Variants in CEP63 observed in about 807,000 individuals in gnomAD.
CEP63 encodes centrosomal protein of 63 kDa.
CEP63 carries 84 observed loss-of-function variants against 89.1 expected under a neutral mutation model. The ratio of observed to expected loss-of-function variants is 0.94; its 90% CI spans 0.79 to 1.13. CEP63 has a LOEUF of 1.13. Ranked by LOEUF, CEP63 falls within the 50% of genes most tolerant of loss-of-function variation. The pLI, the probability that CEP63 is intolerant of heterozygous loss-of-function variation, is 0.00. For missense variants in CEP63, 838 were observed against 813.3 expected (o/e 1.03, Z -0.37); for synonymous variants, 267 against 272.5 (o/e 0.98, Z 0.20).
At chr3:134,739,936 C>T in the CEP63 span, among the ~76,000 whole-genome samples, 68 of 152,192 alleles carry the variant, frequency 4.5e-4, no homozygotes, top group East Asian at 2.7e-3. Context: ...ATGAGGACAC[C>T]GGTGTACTTG....
the CEP63 span, among the ~76,000 whole-genome samples, chr3:134,663,726 A>C: frequency 1.2e-3 from 187 of 151,552 alleles, no homozygotes; most frequent in African/African-American, 4.1e-3. Flanking sequence ...GGAAGGAGGG[A>C]TATGGGGATG....
chr3:134,559,463 G>GT (rs768479137), intron 14 of CEP63, 34 bp downstream of exon 14: 1 of 1,580,024 alleles, frequency 6.3e-7, no homozygotes, highest in South Asian at 1.1e-5. Flanking sequence ...TAATTTGTTA[G>GT]TTTTTTAAGT....
At chr3:134,586,359 CCTT>C (rs1268639278) in intron 10 of CEP63, among the ~76,000 whole-genome samples, 4 of 150,818 alleles carry the variant, frequency 2.7e-5, no homozygotes, top group African/African-American at 9.7e-5. Context: ...TTTAGTGCTT[CCTT>C]CAGGAGCTCT....
the CEP63 span, among the ~76,000 whole-genome samples, chr3:134,765,952 G>C: frequency 6.6e-6 from 1 of 152,226 alleles, no homozygotes; most frequent in African/African-American, 2.4e-5. Context: ...AGTAAACACA[G>C]GGAGCGTTGT....
At chr3:134,537,092 T>C in intron 5 of CEP63, 63 bp from the exon 6 acceptor site, 1 of 990,158 alleles carries the variant, frequency 1.0e-6, no homozygotes, top group African/African-American at 1.6e-5. Flanking sequence ...TTAAAGGGAG[T>C]CTGGGAAGTA....
chr3:134,607,050 T>A, the CEP63 span: 1 of 985,268 alleles, frequency 1.0e-6, no homozygotes, highest in Non-Finnish European at 1.2e-6. Flanking sequence ...AATTAAGGAA[T>A]CTGGTGTTTA....
At chr3:134,532,653 T>G (rs974707677) in intron 4 of CEP63, 125 bp from the exon 5 acceptor site, 3 of 680,372 alleles carry the variant, frequency 4.4e-6, no homozygotes, top group East Asian at 5.2e-5. Flanking sequence ...TGTTTTAGTT[T>G]GGAAATCTAA....
chr3:134,646,387 C>G, the CEP63 span, among the ~76,000 whole-genome samples: 2 of 152,108 alleles, frequency 1.3e-5, no homozygotes, highest in Non-Finnish European at 2.9e-5. Flanking sequence ...CACAGGAAGA[C>G]TCTTCAACTC....
the CEP63 span, among the ~76,000 whole-genome samples, chr3:134,709,299 T>C: frequency 1.3e-5 from 2 of 152,062 alleles, no homozygotes; most frequent in Non-Finnish European, 2.9e-5. Flanking sequence ...TGGACATTGC[T>C]GTGGGGGTGG....
chr3:134,749,694 C>T, the CEP63 span, among the ~76,000 whole-genome samples: 7 of 44,380 alleles, frequency 1.6e-4, no homozygotes, highest in Non-Finnish European at 3.0e-4. Flanking sequence ...AGAATAACAA[C>T]AGGGGTTGTT....
At chr3:134,530,014 C>T (rs937779665) in intron 3 of CEP63, among the ~76,000 whole-genome samples, 1 of 151,858 alleles carries the variant, frequency 6.6e-6, no homozygotes, top group Non-Finnish European at 1.5e-5. Flanking sequence ...GCTGGGACTA[C>T]AGGCACCCGC....
chr3:134,691,635 C>G, the CEP63 span, among the ~76,000 whole-genome samples: 1 of 151,952 alleles, frequency 6.6e-6, no homozygotes, highest in Non-Finnish European at 1.5e-5. Flanking sequence ...AAATATTTCT[C>G]AGTTCATTAA....
At chr3:134,510,892 AC>A (rs932442419) in intron 3 of CEP63, 14 of 201,296 alleles carry the variant, frequency 7.0e-5, no homozygotes, top group South Asian at 1.7e-4. Context: ...GGCAGGCAGC[AC>A]CCCCCCAAGA....
At chr3:134,655,882 G>C in the CEP63 span, among the ~76,000 whole-genome samples, 2 of 152,180 alleles carry the variant, frequency 1.3e-5, no homozygotes, top group African/African-American at 2.4e-5. Context: ...CAGTTGTTTT[G>C]GGTGGAGAGA....
the CEP63 span, among the ~76,000 whole-genome samples, chr3:134,695,541 T>C: frequency 2.0e-5 from 3 of 152,222 alleles, no homozygotes; most frequent in South Asian, 2.1e-4. Context: ...CGGAGATGGA[T>C]CCTGGCAGGT....
chr3:134,554,307 C>T (rs1955620534), intron 12 of CEP63, among the ~76,000 whole-genome samples: 1 of 149,670 alleles, frequency 6.7e-6, no homozygotes, highest in African/African-American at 2.5e-5. Flanking sequence ...TTGTTCAATT[C>T]CCACCTATGA....
At chr3:134,492,101 T>G (rs1464060585) in intron 1 of CEP63, among the ~76,000 whole-genome samples, 1 of 114,292 alleles carries the variant, frequency 8.7e-6, no homozygotes, top group African/African-American at 3.3e-5. Flanking sequence ...TGAGACGGAG[T>G]TTTGCTCTGT....
At chr3:134,509,918 C>G (rs1396945389) in intron 3 of CEP63, among the ~76,000 whole-genome samples, 2 of 152,084 alleles carry the variant, frequency 1.3e-5, no homozygotes, top group Admixed American at 6.5e-5. Context: ...AGCAGAAATA[C>G]ACAAAGCAAT....
chr3:134,572,263 A>G (rs1958039141), intron 11 of CEP63, among the ~76,000 whole-genome samples: 1 of 152,132 alleles, frequency 6.6e-6, no homozygotes, highest in East Asian at 1.9e-4. Context: ...AATAATTTCA[A>G]CTTTTATTTT....
Sources: allele counts gnomAD v4.1 joint callset (sites outside exome capture counted in the v4.1 genomes callset), GRCh38; gene constraint gnomAD v4.1.1; transcripts MANE v1.5; gene names NCBI Gene and HGNC (gene_info 2026-07-23, HGNC 2026-07-21).